Variants in EAPP observed in about 807,000 individuals in gnomAD.
EAPP encodes E2F-associated phosphoprotein.
EAPP carries 38 observed loss-of-function variants against 34.3 expected under a neutral mutation model. The ratio of observed to expected loss-of-function variants is 1.11; its 90% confidence interval spans 0.85 to 1.45. The LOEUF (loss-of-function observed/expected upper bound fraction) is 1.45, where lower values mean the gene tolerates loss of function less well. Among genes scored for constraint, EAPP ranks in the 40% most tolerant of loss-of-function variants. The pLI is 0.00. For missense variants in EAPP, 338 were observed against 343.7 expected (o/e 0.98, Z 0.13); for synonymous variants, 113 against 117.6 (o/e 0.96, Z 0.25).
chr14:34,518,588 C>G (rs11625922), intron 5 of EAPP, among the ~76,000 whole-genome samples: 3,174 of 152,172 alleles, frequency 0.021, 95 homozygotes, highest in African/African-American at 0.067. Context: ...ACCTCGGCCT[C>G]CTGAAGTGTT....
chr14:34,529,238 T>C (rs558408030), intron 4 of EAPP, 120 bp downstream of exon 4: 5 of 720,728 alleles, frequency 6.9e-6, no homozygotes, highest in Non-Finnish European at 1.1e-5. Flanking sequence ...CTCTAACTTT[T>C]TTGTTTGTGT....
chr14:34,533,685 T>C, intron 2 of EAPP, 146 bp from the exon 3 acceptor site: 1 of 577,658 alleles, frequency 1.7e-6, no homozygotes, highest in Non-Finnish European at 3.0e-6. Context: ...ATCAGTGAAT[T>C]ACTCGATGTC....
At chr14:34,526,410 A>G (rs1212736393) in intron 4 of EAPP, among the ~76,000 whole-genome samples, 5 of 152,002 alleles carry the variant, frequency 3.3e-5, no homozygotes, top group Admixed American at 3.3e-4. Context: ...CCTGGGCAAC[A>G]GAGCGAGACT....
At chr14:34,539,251 C>G in intron 1 of EAPP, 1 of 576,136 alleles carries the variant, frequency 1.7e-6, no homozygotes, top group Non-Finnish European at 3.2e-6. Context: ...GGATAACTGA[C>G]TTGCCTTCCG....
intron 5 of EAPP, among the ~76,000 whole-genome samples, chr14:34,517,353 A>C (rs1338545048): frequency 6.7e-6 from 1 of 149,694 alleles, no homozygotes; most frequent in East Asian, 2.0e-4. Flanking sequence ...GGTTCAAGTG[A>C]TTCTCCTGCC....
In EAPP at chr14:34,517,574, A is replaced by G. The variant is rs1879780164; in HGVS notation, c.582-988T>C. On this transcript the variant is annotated intron_variant, in intron 5 of 5. Transcript: ENST00000250454. ...TGATTCCTTGTATTTCTGTGGTCTC[A>G]GTTGTTATGCCTTCTTTTCTATTTC... Among the ~76,000 whole-genome samples, 3 of 151,770 alleles carry G rather than the reference A, an allele frequency of 2.0e-5. No homozygotes were observed. The South Asian group carries it at 6.3e-4, about 32-fold the overall frequency.
At position 34,516,256 on chromosome 14, in the gene EAPP, T is replaced by C. The variant is rs955479192; in HGVS notation, c.*54A>G. 10 of 1,491,464 alleles carry C rather than the reference T, an allele frequency of 6.7e-6. No homozygotes were observed. The highest frequency in any genetic ancestry group is 9.0e-6 in the Non-Finnish European group (10 of 1,106,578). 92.4% of individuals were successfully genotyped at this position (1,491,464 alleles called of 1,614,324 possible). ...TATGAACAGGCAAGAGGAAAGTAAC[T>C]GTCCATATTTGCCTTATATACAGTA... On this transcript the variant is annotated 3_prime_UTR_variant, in exon 6 of 6. Transcript: ENST00000250454.
intron 4 of EAPP, among the ~76,000 whole-genome samples, chr14:34,526,157 A>T (rs922839843): frequency 6.7e-6 from 1 of 149,600 alleles, no homozygotes; most frequent in Non-Finnish European, 1.5e-5. Flanking sequence ...CAGGCTGGGC[A>T]TGGTGGCTCA....
intron 2 of EAPP, chr14:34,535,887 A>G: frequency 2.1e-6 from 1 of 477,040 alleles, no homozygotes; most frequent in East Asian, 4.0e-5. Context: ...ACAGAATGAG[A>G]CATTGAATCT....
chr14:34,524,946 G>T (rs1880047623), intron 4 of EAPP, 139 bp from the exon 5 acceptor site: 2 of 635,332 alleles, frequency 3.1e-6, no homozygotes, highest in Admixed American at 3.0e-5. Flanking sequence ...GATGAACCTG[G>T]AGCATCTTTT....
At chr14:34,538,242 G>C (rs191506498) in intron 1 of EAPP, among the ~76,000 whole-genome samples, 1 of 152,244 alleles carries the variant, frequency 6.6e-6, no homozygotes, top group Admixed American at 6.5e-5. Context: ...AGCCAGGTGT[G>C]GTAGCGCATG....
At chr14:34,537,640 C>T (rs767175706) in intron 1 of EAPP, among the ~76,000 whole-genome samples, 2 of 152,222 alleles carry the variant, frequency 1.3e-5, no homozygotes, top group African/African-American at 2.4e-5. Flanking sequence ...GATGTATTTA[C>T]TGTCTTCTAT....
chr14:34,519,955 GCTCACTGCAACCTCCA>G (rs1879863364), intron 5 of EAPP, among the ~76,000 whole-genome samples: 3 of 150,732 alleles, frequency 2.0e-5, no homozygotes, highest in Admixed American at 6.6e-5. Context: ...CGCAATCTTG[GCTCACTGCAACCTCCA>G]CCTCCCTGGT....
rs751524865 is a variant in EAPP at position 34,529,470 on chromosome 14, C to G, written c.358G>C (p.Val120Leu). ...DSEDEDRAVQ[V>L]TKKKKKKQHK... Reference sequence around the variant, plus strand: ...TGTTTCTTCTTTTTTTTCTTGGTCACCTGTACTAATTTTGAAAATATTAGG... The same window carrying G: ...TGTTTCTTCTTTTTTTTCTTGGTCAGCTGTACTAATTTTGAAAATATTAGG... Residue 120 changes from valine (V) to leucine (L), a missense_variant, in exon 4 of 6, where the codon GTG (valine) becomes CTG (leucine). Coordinates refer to ENST00000250454, the MANE Select transcript of EAPP (RefSeq NM_018453.4). The G allele has an allele frequency of 1.2e-6, 2 of 1,604,726 alleles. No individual in the cohort carries two copies. The highest frequency in any genetic ancestry group is 2.2e-5 in the South Asian group (2 of 90,664).
intron 4 of EAPP, among the ~76,000 whole-genome samples, chr14:34,527,831 A>G: frequency 6.6e-6 from 1 of 152,132 alleles, no homozygotes; most frequent in East Asian, 1.9e-4. Context: ...ACTACCTAAC[A>G]GTACAGCGTT....
chr14:34,539,509 G>C, intron 1 of EAPP, 46 bp downstream of exon 1: 2 of 1,589,966 alleles, frequency 1.3e-6, no homozygotes, highest in East Asian at 2.2e-5. Context: ...ACCAAAGCCA[G>C]GCCTCGACCC....
chr14:34,535,135 CTT>C (rs35642543), intron 2 of EAPP, among the ~76,000 whole-genome samples: 1 of 138,806 alleles, frequency 7.2e-6, no homozygotes, highest in Non-Finnish European at 1.6e-5. Context: ...CACGCCTGGC[CTT>C]TTTTTTTTTT....
chr14:34,524,084 T>C (rs1183763836), intron 5 of EAPP, among the ~76,000 whole-genome samples: 2 of 151,900 alleles, frequency 1.3e-5, no homozygotes, highest in Non-Finnish European at 2.9e-5. Context: ...GGTGTGACCC[T>C]GTCTCTACTA....
At chr14:34,532,087 AAAAGAAAG>A (rs758007888) in intron 3 of EAPP, among the ~76,000 whole-genome samples, 1 of 151,644 alleles carries the variant, frequency 6.6e-6, no homozygotes, top group Non-Finnish European at 1.5e-5. Flanking sequence ...AAAAAAAAAA[AAAAGAAAG>A]AAAGAAAGAA....
Sources: gnomAD v4.1 joint callset for allele counts (sites outside exome capture counted in the v4.1 genomes callset) on GRCh38, gnomAD v4.1.1 for gene constraint, MANE v1.5 for transcripts, NCBI Gene and HGNC (gene_info 2026-07-23, HGNC 2026-07-21) for gene names.